The following ALKBH3 variants were observed in gnomAD, a reference collection of about 807,000 sequenced individuals.
The protein encoded by ALKBH3 is alpha-ketoglutarate-dependent dioxygenase alkB homolog 3.
A neutral mutation model predicts 43.9 loss-of-function variants in ALKBH3; 51 were observed. That is an observed-to-expected ratio of 1.16 (90% CI 0.93 to 1.47). The LOEUF (loss-of-function observed/expected upper bound fraction) is 1.47. ALKBH3 is among the 40% of genes most tolerant of loss of function. The pLI is 0.00. For synonymous variants in ALKBH3, 102 were observed against 115.2 expected, an observed-to-expected ratio of 0.89 and a Z score of 0.73; for missense variants, 361 against 351.9, an observed-to-expected ratio of 1.03 and a Z score of -0.21.
In ALKBH3 at chr11:43,883,087, A is replaced by C. The variant is rs142938070; in HGVS notation, c.82A>C (p.Thr28Pro). The C allele has an allele frequency of 1.2e-6, 2 of 1,613,684 alleles. No individual in the cohort carries two copies. The highest frequency in any genetic ancestry group is 2.2e-5 in the South Asian group (2 of 90,992). ...VKSQAIAQPATTAKSHLHQKP... is the reference protein window; with the variant it reads ...VKSQAIAQPAPTAKSHLHQKP... The stretch of plus-strand genomic sequence containing the variant: ...GGCTGTCCCCTCTCTTGCTTCAGCT[A>C]CCACTGCTAAGAGCCATCTCCACCA... The change falls in exon 3 of 10, where the codon ACC (threonine) becomes CCC (proline). Residue 28 changes from threonine to proline, a missense_variant and splice_region_variant. Coordinates refer to ENST00000302708, the MANE Select transcript of ALKBH3 (RefSeq NM_139178.4).
At chr11:43,884,375 CTTTT>C (rs113557050) in intron 4 of ALKBH3, among the ~76,000 whole-genome samples, 24,372 of 134,076 alleles carry the variant, frequency 0.18, 2,263 homozygotes, top group South Asian at 0.33. Flanking sequence ...TTAATTGCCT[CTTTT>C]TTTTTTTTTT....
intron 8 of ALKBH3, among the ~76,000 whole-genome samples, chr11:43,902,436 G>A (rs1424066641): frequency 6.6e-6 from 1 of 152,176 alleles, no homozygotes. Flanking sequence ...AATCAAAACT[G>A]TAGTCCCTTA....
At position 43,919,136 on chromosome 11, in the gene ALKBH3, G is replaced by C; in HGVS notation, c.768G>C (p.Gln256His). Residue 256 changes from glutamine (Q) to histidine (H), a missense_variant and splice_region_variant, in exon 9 of 10, where the codon CAG (glutamine) becomes CAC (histidine). By Grantham distance (24) the Gln-to-His change is conservative. Coordinates refer to ENST00000302708, the MANE Select transcript of ALKBH3 (RefSeq NM_139178.4). The stretch of plus-strand genomic sequence containing the variant: ...AAGGAGCGACACAAGCTGACTGGCA[G>C]GTGAGGATCTGCAAGTAATATGAAT... ...IMEGATQADW[Q>H]HRVPKEYHSR... 1.2e-6 allele frequency: 2 copies of C among 1,609,654 alleles called. No individual in the cohort carries two copies. Among genetic ancestry groups the C allele is most frequent in the East Asian group, 2.2e-5 (1 of 44,862 alleles).
chr11:43,899,703 A>G (rs1316699917), intron 7 of ALKBH3: 4 of 319,064 alleles, frequency 1.3e-5, no homozygotes, highest in Non-Finnish European at 2.4e-5. Flanking sequence ...TGGTAAACAT[A>G]GTCATTTCAT....
At chr11:43,893,274 A>G (rs888529445) in intron 7 of ALKBH3, among the ~76,000 whole-genome samples, 2 of 152,156 alleles carry the variant, frequency 1.3e-5, no homozygotes, top group Non-Finnish European at 2.9e-5. Flanking sequence ...ACCAGTATGC[A>G]TGACCTCCAC....
At chr11:43,885,464 G>C (rs988174824) in intron 4 of ALKBH3, among the ~76,000 whole-genome samples, 1 of 152,210 alleles carries the variant, frequency 6.6e-6, no homozygotes, top group East Asian at 1.9e-4. Flanking sequence ...TAAAAGCCTA[G>C]CTCAGAGATC....
rs111853638 is a variant in ALKBH3 at position 43,885,335 on chromosome 11, G to A, written c.219-1271G>A. Among the ~76,000 whole-genome samples the A allele has an allele frequency of 1.3e-3, 196 of 152,304 alleles. 1 individual carries two copies. Among genetic ancestry groups the A allele is most frequent in the African/African-American group, 4.6e-3 (190 of 41,574 alleles). Reference sequence around the variant, plus strand: ...ATGTGGGCCAAAAATACACCATATTGAAACATTTTGTTCTCTGTATACTCA... The same window carrying A: ...ATGTGGGCCAAAAATACACCATATTAAAACATTTTGTTCTCTGTATACTCA... On this transcript the variant is annotated intron_variant, in intron 4 of 9. Coordinates refer to ENST00000302708, the MANE Select transcript of ALKBH3 (RefSeq NM_139178.4).
rs1951721617 is a variant in ALKBH3, at chr11:43,882,892, A to G, written c.79+161A>G. ...TGTCCGATTTTGTTGATGGTGAGCT[A>G]AGGGTGGGTCTTTAATGTTCCTCAT... On this transcript the variant is annotated intron_variant, in intron 2 of 9. Coordinates refer to ENST00000302708, the MANE Select transcript of ALKBH3 (RefSeq NM_139178.4). 8.8e-6 allele frequency: 8 copies of G among 908,558 alleles called. No homozygotes were observed. In the South Asian group the frequency reaches 1.4e-4, roughly 16 times the overall value. 56.3% of individuals were successfully genotyped at this position (908,558 alleles called of 1,614,324 possible).
At chr11:43,911,435 T>C (rs1022527743) in intron 8 of ALKBH3, among the ~76,000 whole-genome samples, 3 of 152,192 alleles carry the variant, frequency 2.0e-5, no homozygotes, top group African/African-American at 7.2e-5. Flanking sequence ...TTCCTTCTTC[T>C]ACGTGCAAAA....
chr11:43,897,942 A>G, intron 7 of ALKBH3: 1 of 783,172 alleles, frequency 1.3e-6, no homozygotes. Context: ...TTCGCCATTT[A>G]GAAGGAGGCA....
intron 4 of ALKBH3, 89 bp from the exon 5 acceptor site, chr11:43,886,517 C>A: frequency 2.3e-6 from 3 of 1,327,056 alleles, no homozygotes; most frequent in Non-Finnish European, 3.2e-6. Context: ...TGAGCCAGGA[C>A]TTTGGCAGTT....
intron 5 of ALKBH3, among the ~76,000 whole-genome samples, chr11:43,887,662 G>T (rs1020911831): frequency 2.0e-5 from 3 of 152,046 alleles, no homozygotes; most frequent in African/African-American, 7.2e-5. Flanking sequence ...TTAGAATTGC[G>T]CCTAGCCTGG....
At chr11:43,901,867 C>G in intron 8 of ALKBH3, 142 bp downstream of exon 8, 1 of 1,033,724 alleles carries the variant, frequency 9.7e-7, no homozygotes, top group Non-Finnish European at 1.4e-6. Flanking sequence ...GACTACTTCC[C>G]CATGGTTAAC....
At chr11:43,911,118 G>C (rs1411366161) in intron 8 of ALKBH3, among the ~76,000 whole-genome samples, 2 of 152,200 alleles carry the variant, frequency 1.3e-5, no homozygotes, top group East Asian at 3.8e-4. Context: ...GATCACTGTG[G>C]CTGCTGTGTG....
chr11:43,890,743 AGTCC>A (rs1429658456), intron 6 of ALKBH3, among the ~76,000 whole-genome samples: 6 of 152,118 alleles, frequency 3.9e-5, no homozygotes, highest in Admixed American at 3.9e-4. Context: ...GCGCACCTGT[AGTCC>A]CAGCTACTCG....
chr11:43,898,969 A>C (rs1191062040), intron 7 of ALKBH3: 1 of 751,652 alleles, frequency 1.3e-6, no homozygotes, highest in African/African-American at 1.7e-5. Context: ...CTGGAGAATG[A>C]AGACCTCAAG....
At chr11:43,916,413 T>C (rs984278484) in intron 8 of ALKBH3, among the ~76,000 whole-genome samples, 5 of 152,208 alleles carry the variant, frequency 3.3e-5, no homozygotes, top group African/African-American at 1.2e-4. Context: ...TTTTTCCATG[T>C]ACTCGTAGGG....
At chr11:43,883,266 A>T in intron 3 of ALKBH3, 78 bp downstream of exon 3, 1 of 971,974 alleles carries the variant, frequency 1.0e-6, no homozygotes, top group Non-Finnish European at 1.6e-6. Flanking sequence ...ACACTCAAAT[A>T]AATAATGACT....
chr11:43,889,835 A>G lies in ALKBH3; in HGVS notation c.370+7A>G, dbSNP rs758043229. On this transcript the variant is annotated splice_region_variant and intron_variant, in intron 6 of 9. Transcript: ENST00000302708. ...AGGACTGGCATCAGAGAGGGTAAGT[A>G]GATCCCAGAGGTCACAGTTGGTGCT... 6.2e-7 allele frequency: 1 copy of G among 1,604,512 alleles called. No homozygotes were observed. The highest frequency in any genetic ancestry group is 1.1e-5 in the South Asian group (1 of 90,850).
Sources: allele counts gnomAD v4.1 joint callset (sites outside exome capture counted in the v4.1 genomes callset), GRCh38; gene constraint gnomAD v4.1.1; transcripts MANE v1.5; gene names NCBI Gene and HGNC (gene_info 2026-07-23, HGNC 2026-07-21).